Variants in MAGI2 observed in about 807,000 individuals in gnomAD.
MAGI2 encodes the protein membrane associated guanylate kinase, WW and PDZ domain containing 2.
Under a neutral mutation model 133.3 loss-of-function variants are expected in MAGI2, and 35 were observed. The ratio of observed to expected loss-of-function variants is 0.26; its 90% confidence interval spans 0.20 to 0.35. The LOEUF is 0.35. Among genes scored for constraint, MAGI2 ranks in the 10% least tolerant of loss-of-function variants. The probability of loss-of-function intolerance (pLI) is 1.00; values close to 1 mark genes in which losing one functional copy is unlikely to be tolerated. For synonymous variants in MAGI2, 729 were observed against 710.6 expected (o/e 1.03, Z -0.41); for missense variants, 1,636 against 1,863.4 (o/e 0.88, Z 2.25).
intron 1 of MAGI2, among the ~76,000 whole-genome samples, chr7:79,408,026 G>A (rs984550154): frequency 1.3e-5 from 2 of 152,032 alleles, no homozygotes; most frequent in African/African-American, 4.8e-5. Flanking sequence ...GTTTTCCCAT[G>A]TAACTTATTT....
At chr7:78,327,776 A>G (rs951003919) in intron 9 of MAGI2, among the ~76,000 whole-genome samples, 1 of 152,206 alleles carries the variant, frequency 6.6e-6, no homozygotes, top group African/African-American at 2.4e-5. Context: ...ATGCTGTGCA[A>G]TAAGGGGCTA....
chr7:79,137,450 G>GTTTTTTTTTTTT (rs376997399), intron 1 of MAGI2, among the ~76,000 whole-genome samples: 2 of 133,298 alleles, frequency 1.5e-5, no homozygotes, highest in Non-Finnish European at 1.6e-5. Flanking sequence ...GGTGTTTTTT[G>GTTTTTTTTTTTT]TTTTTTTTTT....
chr7:78,125,760 G>A lies in MAGI2; in HGVS notation c.3501C>T (p.Tyr1167=). Residue 1167 remains tyrosine (Y), a synonymous_variant, in exon 20 of 22, where the codon TAC becomes TAT. Coordinates refer to ENST00000354212, the MANE Select transcript of MAGI2 (RefSeq NM_012301.4). ...GTCTCAACACATACAAATCCATTTT[G>A]TATTCCCTTCCTCCACGAATGCTGA... is the stretch of plus-strand genomic sequence containing the variant. The part of the protein sequence containing the change: ...FGFSIRGGRE[Y]KMDLYVLRLA... 5 of 1,613,586 alleles carry A rather than the reference G, an allele frequency of 3.1e-6. No individual in the cohort carries two copies. The highest frequency in any genetic ancestry group is 4.2e-6 in the Non-Finnish European group (5 of 1,179,682).
intron 1 of MAGI2, among the ~76,000 whole-genome samples, chr7:79,384,273 G>C (rs1844018964): frequency 6.6e-6 from 1 of 151,400 alleles, no homozygotes; most frequent in Admixed American, 6.6e-5. Context: ...TGATAAATAT[G>C]ACCATATAAA....
intron 13 of MAGI2, among the ~76,000 whole-genome samples, chr7:78,182,258 C>T (rs1827256550): frequency 6.6e-6 from 1 of 152,172 alleles, no homozygotes; most frequent in Non-Finnish European, 1.5e-5. Flanking sequence ...ATGGTCTTGA[C>T]TTCTGGATTT....
At chr7:79,429,998 C>T (rs1415957884) in intron 1 of MAGI2, among the ~76,000 whole-genome samples, 1 of 151,942 alleles carries the variant, frequency 6.6e-6, no homozygotes, top group Non-Finnish European at 1.5e-5. Flanking sequence ...TCAATGACTA[C>T]TATTCAGAAA....
intron 2 of MAGI2, among the ~76,000 whole-genome samples, chr7:78,893,907 T>C (rs1796986893): frequency 1.3e-5 from 2 of 152,086 alleles, no homozygotes; most frequent in African/African-American, 4.8e-5. Flanking sequence ...CCAAATCACT[T>C]TTCTTAGGTA....
At chr7:78,852,712 A>G (rs1244003776) in intron 2 of MAGI2, among the ~76,000 whole-genome samples, 3 of 152,118 alleles carry the variant, frequency 2.0e-5, no homozygotes, top group Non-Finnish European at 4.4e-5. Flanking sequence ...AATTTGTACT[A>G]TTGGAAACTA....
At chr7:78,325,934 TTTGATCATG>T (rs1399392467) in intron 9 of MAGI2, among the ~76,000 whole-genome samples, 3 of 152,258 alleles carry the variant, frequency 2.0e-5, no homozygotes, top group Non-Finnish European at 4.4e-5. Flanking sequence ...ATGTTACATG[TTTGATCATG>T]TTGCTCCCCT....
At chr7:78,266,580 A>G (rs926944699) in intron 9 of MAGI2, among the ~76,000 whole-genome samples, 3 of 142,676 alleles carry the variant, frequency 2.1e-5, no homozygotes, top group African/African-American at 7.5e-5. Flanking sequence ...GGGGGAAAAA[A>G]TCCCTTTTTT....
intron 1 of MAGI2, among the ~76,000 whole-genome samples, chr7:79,320,073 C>T (rs1393355750): frequency 6.6e-6 from 1 of 152,044 alleles, no homozygotes; most frequent in Non-Finnish European, 1.5e-5. Context: ...CTTGGACATT[C>T]CTGGTGCTGA....
At chr7:78,116,248 T>A (rs1326512513) in intron 20 of MAGI2, among the ~76,000 whole-genome samples, 1 of 152,064 alleles carries the variant, frequency 6.6e-6, no homozygotes, top group Non-Finnish European at 1.5e-5. Context: ...GAAATTAGAA[T>A]GTATTTGGAA....
chr7:78,608,586 CATT>C, intron 3 of MAGI2, among the ~76,000 whole-genome samples: 1 of 151,882 alleles, frequency 6.6e-6, no homozygotes. Flanking sequence ...TTGCTATTAT[CATT>C]ATTATTCATG....
intron 2 of MAGI2, among the ~76,000 whole-genome samples, chr7:78,900,136 A>C (rs1054917942): frequency 9.2e-5 from 14 of 152,054 alleles, no homozygotes; most frequent in Non-Finnish European, 1.9e-4. Context: ...CCTCATTTCC[A>C]CCAAGTTCCA....
chr7:78,422,399 A>G (rs1798882036), intron 6 of MAGI2, among the ~76,000 whole-genome samples: 1 of 152,146 alleles, frequency 6.6e-6, no homozygotes, highest in African/African-American at 2.4e-5. Flanking sequence ...AAGGCAATAG[A>G]CCTGATGTTT....
intron 2 of MAGI2, among the ~76,000 whole-genome samples, chr7:78,958,150 T>C (rs1184576890): frequency 6.6e-6 from 1 of 152,148 alleles, no homozygotes; most frequent in Non-Finnish European, 1.5e-5. Flanking sequence ...GTTTATTTCC[T>C]TTGTCCTTCC....
intron 1 of MAGI2, among the ~76,000 whole-genome samples, chr7:79,392,531 AC>A (rs1218238865): frequency 6.6e-6 from 1 of 152,060 alleles, no homozygotes; most frequent in African/African-American, 2.4e-5. Flanking sequence ...TTGTTTCCTG[AC>A]TTTTTAATAA....
intron 1 of MAGI2, 29 bp from the exon 2 acceptor site, chr7:79,007,235 G>A (rs373394214): frequency 6.0e-5 from 79 of 1,324,652 alleles, no homozygotes; most frequent in Middle Eastern, 1.8e-4. Context: ...TCTTGGTAAG[G>A]GATGTTGGAA....
chr7:78,796,979 G>A (rs570840244), intron 2 of MAGI2, among the ~76,000 whole-genome samples: 2 of 152,114 alleles, frequency 1.3e-5, no homozygotes, highest in Non-Finnish European at 2.9e-5. Context: ...GGCTAAAAAG[G>A]GAAGGTGTGA....
Sources: allele counts gnomAD v4.1 joint callset (sites outside exome capture counted in the v4.1 genomes callset), GRCh38; gene constraint gnomAD v4.1.1; transcripts MANE v1.5; gene names NCBI Gene and HGNC (gene_info 2026-07-23, HGNC 2026-07-21).